The following MALRD1 variants were observed in gnomAD, a reference collection of about 807,000 sequenced individuals.
MALRD1 encodes the protein MAM and LDL-receptor class A domain-containing protein 1.
MALRD1 carries 247 observed loss-of-function variants against 242.1 expected under a neutral mutation model. That is an observed-to-expected ratio of 1.02 (90% CI 0.92 to 1.13). The LOEUF is 1.13. MALRD1 is among the 50% of genes most tolerant of loss of function. The pLI is 0.00. For missense variants in MALRD1, 2,989 were observed against 2,533.1 expected (o/e 1.18, Z -3.86); for synonymous variants, 995 against 866.6 (o/e 1.15, Z -2.60).
chr10:19,194,919 T>C (rs1195484600), intron 14 of MALRD1, among the ~76,000 whole-genome samples: 1 of 152,178 alleles, frequency 6.6e-6, no homozygotes, highest in Non-Finnish European at 1.5e-5. Context: ...CAGTTTTGCC[T>C]TCCACAGTCA....
chr10:19,294,771 T>C (rs1424773039), intron 21 of MALRD1, among the ~76,000 whole-genome samples: 1 of 152,168 alleles, frequency 6.6e-6, no homozygotes, highest in African/African-American at 2.4e-5. Context: ...CTTAGCTTTT[T>C]TATTGCTACA....
Position 19,139,832 on chromosome 10 carries a change from A to G in MALRD1, c.1411+3051A>G, listed in dbSNP as rs572360323. 3.5e-4 allele frequency among the ~76,000 whole-genome samples: 53 copies of G among 152,300 alleles called. No individual in the cohort carries two copies. In the South Asian group the frequency reaches 0.011, roughly 31 times the overall value. On this transcript the variant is annotated intron_variant, in intron 10 of 39. Coordinates refer to ENST00000454679, the MANE Select transcript of MALRD1 (RefSeq NM_001142308.3). ...GCCCAGCCTTACAGAACCAAAAGCT[A>G]CATGGAACAAGGTCCCAGGTGACTT...
chr10:19,554,884 AT>A (rs1835647850), intron 32 of MALRD1, among the ~76,000 whole-genome samples: 1 of 152,130 alleles, frequency 6.6e-6, no homozygotes, highest in Admixed American at 6.6e-5. Context: ...TAATAGAATG[AT>A]TTATATTCCT....
chr10:19,620,287 A>G (rs1441275684), intron 36 of MALRD1, among the ~76,000 whole-genome samples: 1 of 151,938 alleles, frequency 6.6e-6, no homozygotes, highest in African/African-American at 2.4e-5. Flanking sequence ...ATAGTACCCA[A>G]TAGGTAGTAG....
In MALRD1 at chr10:19,155,898, A is replaced by G. The variant is rs74118805; in HGVS notation, c.1656+726A>G. 8.7e-3 allele frequency among the ~76,000 whole-genome samples: 1,318 copies of G among 152,352 alleles called. 20 individuals carry two copies. The highest frequency in any genetic ancestry group is 0.03 in the African/African-American group (1,238 of 41,574). On this transcript the variant is annotated intron_variant, in intron 12 of 39. Coordinates refer to ENST00000454679, the MANE Select transcript of MALRD1 (RefSeq NM_001142308.3). Reference sequence around the variant, plus strand: ...ATGTTTGTATCAAACATTGGTATATATGTACCAAATATAATGTTAATTCAG... The same window carrying G: ...ATGTTTGTATCAAACATTGGTATATGTGTACCAAATATAATGTTAATTCAG...
intron 36 of MALRD1, among the ~76,000 whole-genome samples, chr10:19,689,446 T>C (rs1363440374): frequency 6.6e-6 from 1 of 152,112 alleles, no homozygotes; most frequent in Non-Finnish European, 1.5e-5. Flanking sequence ...ACAAGGAAAA[T>C]TTTCTTCACT....
chr10:19,399,289 G>C (rs945415598), intron 28 of MALRD1, among the ~76,000 whole-genome samples: 6 of 152,152 alleles, frequency 3.9e-5, no homozygotes, highest in Admixed American at 1.3e-4. Context: ...TTATTTCAAA[G>C]ACATTTTTCA....
At chr10:19,680,126 C>T (rs568858058) in intron 36 of MALRD1, among the ~76,000 whole-genome samples, 219 of 152,184 alleles carry the variant, frequency 1.4e-3, no homozygotes, top group African/African-American at 4.8e-3. Context: ...TGTTTTGCAG[C>T]GTACAGTTCT....
chr10:19,052,020 A>C (rs759944293), intron 1 of MALRD1: 8 of 331,816 alleles, frequency 2.4e-5, no homozygotes, highest in African/African-American at 4.4e-5. Context: ...GCCCATTGTG[A>C]GATTTGTAAG....
chr10:19,094,867 A>G (rs1220749649), intron 4 of MALRD1, among the ~76,000 whole-genome samples: 1 of 152,206 alleles, frequency 6.6e-6, no homozygotes, highest in Non-Finnish European at 1.5e-5. Flanking sequence ...AATAAAACTT[A>G]TGCATGGTCG....
chr10:19,076,286 A>G (rs1382379397), intron 2 of MALRD1, among the ~76,000 whole-genome samples: 3 of 151,826 alleles, frequency 2.0e-5, no homozygotes, highest in Non-Finnish European at 4.4e-5. Context: ...TCTATCATCT[A>G]TCTATCTACC....
At chr10:19,492,747 C>G (rs1373788221) in intron 30 of MALRD1, among the ~76,000 whole-genome samples, 3 of 151,850 alleles carry the variant, frequency 2.0e-5, no homozygotes, top group African/African-American at 7.3e-5. Context: ...AAGCAAATAA[C>G]AAAGTCTAGA....
chr10:19,287,152 A>G (rs531376736), intron 21 of MALRD1, among the ~76,000 whole-genome samples: 2 of 152,302 alleles, frequency 1.3e-5, no homozygotes, highest in South Asian at 2.1e-4. Context: ...ATTGACAGTC[A>G]TAATGACAGC....
rs1409033148 is a variant in MALRD1, at chr10:19,229,589, A to G, written c.2991+19909A>G. Among the ~76,000 whole-genome samples, 7 of 152,226 alleles carry G rather than the reference A, an allele frequency of 4.6e-5. No individual in the cohort carries two copies. In the East Asian group the frequency reaches 1.4e-3, roughly 29 times the overall value. ...GTAATCCAAATTTATTCTCTCGTTT[A>G]GTCGCTTCCACCCATAGAAAAGCAG... On this transcript the variant is annotated intron_variant, in intron 18 of 39. Transcript: ENST00000454679.
chr10:19,145,502 C>T (rs138388803), intron 10 of MALRD1, among the ~76,000 whole-genome samples: 17 of 151,878 alleles, frequency 1.1e-4, no homozygotes, highest in African/African-American at 1.7e-4. Flanking sequence ...AAAAAATATC[C>T]GAGCATCGTT....
Position 19,175,291 on chromosome 10 carries a change from C to G in MALRD1, c.1914C>G (p.Ser638=). ...GTGTGTCCCAGGAATGTGAAATTTCCTATAAATCACTACCAAGGACCAGTA... is the reference window on the plus strand; with the variant it reads ...GTGTGTCCCAGGAATGTGAAATTTCGTATAAATCACTACCAAGGACCAGTA... The part of the protein sequence containing the change: ...DISVSQECEI[S]YKSLPRTSTQ... Residue 638 remains serine, a synonymous_variant, in exon 14 of 40, where the codon TCC becomes TCG. Transcript: ENST00000454679. The G allele has an allele frequency of 8.1e-7, 1 of 1,230,422 alleles. No individual in the cohort carries two copies. Among genetic ancestry groups the G allele is most frequent in the African/African-American group, 1.6e-5 (1 of 64,422 alleles). The allele number at this position is 1,230,422 out of a possible 1,614,324, so 76.2% of individuals were successfully genotyped here.
At chr10:19,123,148 T>C (rs1230067657) in intron 5 of MALRD1, among the ~76,000 whole-genome samples, 1 of 152,214 alleles carries the variant, frequency 6.6e-6, no homozygotes, top group Non-Finnish European at 1.5e-5. Flanking sequence ...GTCCTTCAAA[T>C]AGTAGACTCT....
chr10:19,545,645 A>T (rs925972224), intron 32 of MALRD1, among the ~76,000 whole-genome samples: 19 of 74,352 alleles, frequency 2.6e-4, no homozygotes, highest in African/African-American at 4.6e-4. Flanking sequence ...GGAATCCATA[A>T]ATTTTCCTGG....
chr10:19,730,618 T>C (rs1447262179), intron 38 of MALRD1, 88 bp from the exon 39 acceptor site: 3 of 1,299,922 alleles, frequency 2.3e-6, no homozygotes, highest in Admixed American at 2.0e-5. Flanking sequence ...AACATGTCTC[T>C]CAAAAGTTTC....
Sources: gnomAD v4.1 joint callset for allele counts (sites outside exome capture counted in the v4.1 genomes callset) on GRCh38, gnomAD v4.1.1 for gene constraint, MANE v1.5 for transcripts, NCBI Gene and HGNC (gene_info 2026-07-23, HGNC 2026-07-21) for gene names.